OR4A47: variants seen among roughly 807,000 people sequenced by gnomAD.
OR4A47 encodes the protein olfactory receptor family 4 subfamily A member 47.
In OR4A47, 19 loss-of-function variants were observed where a neutral mutation model predicts 16.2. The observed-to-expected ratio is 1.17, with a 90% CI of 0.82 to 1.72. The LOEUF is 1.72. Among genes scored for constraint, OR4A47 ranks in the 40% most tolerant of loss-of-function variants. The pLI is 0.00. For synonymous variants in OR4A47, 180 were observed against 136.0 expected, an observed-to-expected ratio of 1.32 and a Z score of -2.25; for missense variants, 460 against 361.1, an observed-to-expected ratio of 1.27 and a Z score of -2.22.
rs1190544766 is a variant in OR4A47 at position 48,489,453 on chromosome 11, C to T, written c.661C>T (p.His221Tyr). The T allele has an allele frequency of 6.2e-7, 1 of 1,613,772 alleles. No individual in the cohort carries two copies. Among genetic ancestry groups the T allele is most frequent in the Non-Finnish European group, 8.5e-7 (1 of 1,179,820 alleles). Residue 221 changes from histidine to tyrosine, a missense_variant, in exon 1 of 1, where the codon CAC becomes TAC. Transcript: ENST00000446524. ...LLLISYGVIL[H>Y]SLKNLSQKGR... The stretch of plus-strand genomic sequence containing the variant: ...ACTCATCTCTTATGGTGTCATCTTG[C>T]ACTCTTTAAAGAACCTTAGTCAGAA...
chr11:48,489,339 T>C lies in OR4A47; in HGVS notation c.547T>C (p.Leu183=), dbSNP rs769627520. The C allele has an allele frequency of 9.3e-6, 15 of 1,613,914 alleles. No homozygotes were observed. Among genetic ancestry groups the C allele is most frequent in the Non-Finnish European group, 1.2e-5 (14 of 1,179,834 alleles). Residue 183 remains leucine (L), a synonymous_variant, in exon 1 of 1, where the codon TTG becomes CTG. Coordinates refer to ENST00000446524, the MANE Select transcript of OR4A47 (RefSeq NM_001005512.2). ...DHFFCDMYPL[L]KLVCTDTHAI... is the part of the protein sequence containing the mutation. ...TTTTTTCTGTGACATGTATCCCTTATTGAAACTGGTCTGCACTGACACCCA... is the reference window on the plus strand; with the variant it reads ...TTTTTTCTGTGACATGTATCCCTTACTGAAACTGGTCTGCACTGACACCCA...
At position 48,488,892 on chromosome 11, in the gene OR4A47, AT is replaced by A; in HGVS notation, c.104del (p.Leu35Ter). 6.2e-7 allele frequency: 1 copy of A among 1,612,964 alleles called. No homozygotes were observed. Among genetic ancestry groups the A allele is most frequent in the East Asian group, 2.2e-5 (1 of 44,808 alleles). Reference sequence around the variant, plus strand: ...TTTTGTTATGTTCTTGCTCTTCTACATTTTGACCATGGTGGGCAACCTGCTC... The same window carrying A: ...TTTTGTTATGTTCTTGCTCTTCTACATTTGACCATGGTGGGCAACCTGCTC... Reference protein sequence around the residue: ...VLFVMFLLFYILTMVGNLLIV... With the variant: ...VLFVMFLLFYXLTMVGNLLIV... On this transcript the variant is annotated frameshift_variant, in exon 1 of 1. Coordinates refer to ENST00000446524, the MANE Select transcript of OR4A47 (RefSeq NM_001005512.2). LOFTEE classifies it high-confidence loss of function.
At position 48,488,965 on chromosome 11, in the gene OR4A47, A is replaced by T. The variant is rs12805127; in HGVS notation, c.173A>T (p.Tyr58Phe). 4.3e-6 allele frequency: 7 copies of T among 1,613,702 alleles called. No homozygotes were observed. Among genetic ancestry groups the T allele is most frequent in the Non-Finnish European group, 5.9e-6 (7 of 1,179,856 alleles). ...AGTGAGACCCTGGGCTCACCAATGT[A>T]CTTCTTTCTTGCTGGCTTATCATTT... ...TVSETLGSPMYFFLAGLSFID... is the reference protein window; with the variant it reads ...TVSETLGSPMFFFLAGLSFID... Residue 58 changes from tyrosine (Y) to phenylalanine (F), a missense_variant, in exon 1 of 1, where the codon TAC (tyrosine) becomes TTC (phenylalanine). By Grantham distance (22) the Tyr-to-Phe change is conservative. Transcript: ENST00000446524.
At position 48,489,485 on chromosome 11, in the gene OR4A47, G is replaced by T. The variant is rs7479221; in HGVS notation, c.693G>T (p.Arg231Ser). 1 of 1,613,654 alleles carries T rather than the reference G, an allele frequency of 6.2e-7. No homozygotes were observed. The highest frequency in any genetic ancestry group is 8.5e-7 in the Non-Finnish European group (1 of 1,179,834). The change falls in exon 1 of 1, where the codon AGG becomes AGT. Residue 231 changes from arginine to serine, a missense_variant. By Grantham distance (110) the Arg-to-Ser change is moderately radical (BLOSUM62 -1). Transcript: ENST00000446524. ...HSLKNLSQKG[R>S]QKALSTCSSH... ...TAAAGAACCTTAGTCAGAAAGGGAG[G>T]CAAAAAGCCCTCTCAACCTGCAGTT...
chr11:48,489,603 G>C lies in OR4A47; in HGVS notation c.811G>C (p.Val271Leu), dbSNP rs1230448893. ...CTTCCCCATTGACAAATCAGTGAGT[G>C]TGTTTTATACAGTCATAACCCCAAT... ...RTFPIDKSVS[V>L]FYTVITPMLN... Residue 271 changes from valine to leucine, a missense_variant, in exon 1 of 1, where the codon GTG (valine) becomes CTG (leucine). Physicochemically the swap from Val to Leu is conservative, Grantham distance 32. Transcript: ENST00000446524. 26 of 1,613,494 alleles carry C rather than the reference G, an allele frequency of 1.6e-5. No homozygotes were observed. Among genetic ancestry groups the C allele is most frequent in the Middle Eastern group, 1.6e-4 (1 of 6,076 alleles).
Position 48,489,497 on chromosome 11 carries a change from C to T in OR4A47, c.705C>T (p.Leu235=). ...GTCAGAAAGGGAGGCAAAAAGCCCT[C>T]TCAACCTGCAGTTCCCACATGACTG... ...NLSQKGRQKA[L]STCSSHMTVV... is the part of the protein sequence containing the mutation. The change falls in exon 1 of 1, where the codon CTC becomes CTT. Residue 235 remains leucine (L), a synonymous_variant. Coordinates refer to ENST00000446524, the MANE Select transcript of OR4A47 (RefSeq NM_001005512.2). 1 of 1,613,898 alleles carries T rather than the reference C, an allele frequency of 6.2e-7. No homozygotes were observed. The highest frequency in any genetic ancestry group is 8.5e-7 in the Non-Finnish European group (1 of 1,179,844).
rs559279580 is a variant in OR4A47, at chr11:48,488,947, C to A, written c.155C>A (p.Thr52Asn). ...LIVVTVTVSE[T>N]LGSPMYFFLA... ...GTAGTGACCGTAACTGTCAGTGAGA[C>A]CCTGGGCTCACCAATGTACTTCTTT... The change falls in exon 1 of 1, where the codon ACC (threonine) becomes AAC (asparagine). Residue 52 changes from threonine to asparagine, a missense_variant. Thr to Asn is a moderately conservative substitution (Grantham distance 65). Transcript: ENST00000446524. The A allele has an allele frequency of 8.1e-6, 13 of 1,613,784 alleles. No homozygotes were observed. Among genetic ancestry groups the A allele is most frequent in the East Asian group, 2.2e-5 (1 of 44,864 alleles).
Position 48,489,353 on chromosome 11 carries a change from CA to C in OR4A47, c.562del (p.Thr188LeufsTer9). 6.2e-7 allele frequency: 1 copy of C among 1,613,826 alleles called. No individual in the cohort carries two copies. The highest frequency in any genetic ancestry group is 1.1e-5 in the South Asian group (1 of 91,060). On this transcript the variant is annotated frameshift_variant, in exon 1 of 1. Coordinates refer to ENST00000446524, the MANE Select transcript of OR4A47 (RefSeq NM_001005512.2). LOFTEE classifies it high-confidence loss of function. ...TGTATCCCTTATTGAAACTGGTCTG[CA>C]CTGACACCCATGCTATTGGCCTCTT... ...DMYPLLKLVC[T>X]DTHAIGLLVV...
chr11:48,489,206 G>T lies in OR4A47; in HGVS notation c.414G>T (p.Val138=), dbSNP rs542568505. 2.5e-6 allele frequency: 4 copies of T among 1,613,818 alleles called. No homozygotes were observed. The highest frequency in any genetic ancestry group is 1.7e-6 in the Non-Finnish European group (2 of 1,179,824). The change falls in exon 1 of 1, where the codon GTG becomes GTT. Residue 138 remains valine (V), a synonymous_variant. Transcript: ENST00000446524. ...LHYLVIMRQW[V]CVVLLVVSWV... is the part of the protein sequence containing the mutation. The stretch of plus-strand genomic sequence containing the variant: ...ATTTGGTTATCATGAGACAATGGGT[G>T]TGTGTTGTGCTGCTGGTAGTGTCCT...
chr11:48,489,554 T>C lies in OR4A47; in HGVS notation c.762T>C (p.Phe254=), dbSNP rs1431989594. 2 of 1,613,816 alleles carry C rather than the reference T, an allele frequency of 1.2e-6. No individual in the cohort carries two copies. Among genetic ancestry groups the C allele is most frequent in the East Asian group, 2.2e-5 (1 of 44,890 alleles). ...TCTTCTTCTTTGTTCCTTGTATTTT[T>C]ATGTATGCTAGACCTGCTAGGACCT... is the stretch of plus-strand genomic sequence containing the variant. ...VVVFFFVPCI[F]MYARPARTFP... is the part of the protein sequence containing the mutation. Residue 254 remains phenylalanine (F), a synonymous_variant, in exon 1 of 1, where the codon TTT becomes TTC. Transcript: ENST00000446524.
rs1852667747 is a variant in OR4A47 at position 48,488,979 on chromosome 11, G to A, written c.187G>A (p.Gly63Ser). 1 of 1,613,708 alleles carries A rather than the reference G, an allele frequency of 6.2e-7. No individual in the cohort carries two copies. The highest frequency in any genetic ancestry group is 1.3e-5 in the African/African-American group (1 of 74,888). Reference protein sequence around the residue: ...LGSPMYFFLAGLSFIDIIYSS... With the variant: ...LGSPMYFFLASLSFIDIIYSS... ...CTCACCAATGTACTTCTTTCTTGCT[G>A]GCTTATCATTTATAGATATCATTTA... Residue 63 changes from glycine (G) to serine (S), a missense_variant, in exon 1 of 1, where the codon GGC becomes AGC. Gly to Ser is a moderately conservative substitution (Grantham distance 56). Coordinates refer to ENST00000446524, the MANE Select transcript of OR4A47 (RefSeq NM_001005512.2).
In OR4A47 at chr11:48,489,251, C is replaced by A. The variant is rs759457108; in HGVS notation, c.459C>A (p.His153Gln). 8.1e-6 allele frequency: 13 copies of A among 1,613,626 alleles called. No homozygotes were observed. Among genetic ancestry groups the A allele is most frequent in the African/African-American group, 4.0e-5 (3 of 74,884 alleles). Reference protein sequence around the residue: ...LVVSWVGGFLHSVFQLSIIYG... With the variant: ...LVVSWVGGFLQSVFQLSIIYG... ...TGTCCTGGGTTGGAGGATTTCTGCA[C>A]TCAGTATTTCAACTTAGCATTATTT... Residue 153 changes from histidine to glutamine, a missense_variant, in exon 1 of 1, where the codon CAC (histidine) becomes CAA (glutamine). Coordinates refer to ENST00000446524, the MANE Select transcript of OR4A47 (RefSeq NM_001005512.2).
rs754324365 is a variant in OR4A47 at position 48,488,799 on chromosome 11, C to A, written c.7C>A (p.Pro3Thr). ME[P>T]RKNVTDFVLL... ...AAGCAGCTGTAAAGAATACATGGAG[C>A]CAAGGAAAAATGTGACTGACTTTGT... Residue 3 changes from proline to threonine, a missense_variant, in exon 1 of 1, where the codon CCA becomes ACA. Transcript: ENST00000446524. 6.2e-7 allele frequency: 1 copy of A among 1,607,736 alleles called. No individual in the cohort carries two copies. Among genetic ancestry groups the A allele is most frequent in the East Asian group, 2.2e-5 (1 of 44,764 alleles).
At position 48,489,010 on chromosome 11, in the gene OR4A47, C is replaced by T; in HGVS notation, c.218C>T (p.Ser73Leu). The T allele has an allele frequency of 6.2e-7, 1 of 1,613,774 alleles. No homozygotes were observed. The highest frequency in any genetic ancestry group is 8.5e-7 in the Non-Finnish European group (1 of 1,179,748). Residue 73 changes from serine to leucine, a missense_variant, in exon 1 of 1, where the codon TCA (serine) becomes TTA (leucine). Transcript: ENST00000446524. ...TCATTTATAGATATCATTTATTCTTCATCCATTTCCCCCAGATTGATTTCA... is the reference window on the plus strand; with the variant it reads ...TCATTTATAGATATCATTTATTCTTTATCCATTTCCCCCAGATTGATTTCA... ...GLSFIDIIYS[S>L]SISPRLISGL...
Position 48,489,251 on chromosome 11 carries a change from C to T in OR4A47, c.459C>T (p.His153=), listed in dbSNP as rs759457108. ...LVVSWVGGFL[H]SVFQLSIIYG... Reference sequence around the variant, plus strand: ...TGTCCTGGGTTGGAGGATTTCTGCACTCAGTATTTCAACTTAGCATTATTT... The same window carrying T: ...TGTCCTGGGTTGGAGGATTTCTGCATTCAGTATTTCAACTTAGCATTATTT... The change falls in exon 1 of 1, where the codon CAC becomes CAT. Residue 153 remains histidine, a synonymous_variant. Coordinates refer to ENST00000446524, the MANE Select transcript of OR4A47 (RefSeq NM_001005512.2). The T allele has an allele frequency of 2.5e-6, 4 of 1,613,628 alleles. No homozygotes were observed. Among genetic ancestry groups the T allele is most frequent in the African/African-American group, 2.7e-5 (2 of 74,884 alleles).
At position 48,488,912 on chromosome 11, in the gene OR4A47, C is replaced by T; in HGVS notation, c.120C>T (p.Asn40=). ...TCTACATTTTGACCATGGTGGGCAA[C>T]CTGCTCATTGTAGTGACCGTAACTG... The part of the protein sequence containing the change: ...LLFYILTMVG[N]LLIVVTVTVS... Residue 40 remains asparagine, a synonymous_variant, in exon 1 of 1, where the codon AAC becomes AAT. Coordinates refer to ENST00000446524, the MANE Select transcript of OR4A47 (RefSeq NM_001005512.2). 1 of 1,613,448 alleles carries T rather than the reference C, an allele frequency of 6.2e-7. No individual in the cohort carries two copies. Among genetic ancestry groups the T allele is most frequent in the Non-Finnish European group, 8.5e-7 (1 of 1,179,574 alleles).
chr11:48,489,720 T>C lies in OR4A47; in HGVS notation c.928T>C (p.Ter310GlnextTer?), dbSNP rs138138789. The part of the protein sequence containing the change: ...WRRDLISSST[*>Q] Reference sequence around the variant, plus strand: ...AAGAGACCTCATATCAAGTAGTACATAAGTGAGTTACCCACCAGGAAGAGA... The same window carrying C: ...AAGAGACCTCATATCAAGTAGTACACAAGTGAGTTACCCACCAGGAAGAGA... Residue 310 changes from the stop codon to glutamine, a stop_lost, in exon 1 of 1, where the codon TAA (stop) becomes CAA (glutamine). Transcript: ENST00000446524. 40 of 1,588,538 alleles carry C rather than the reference T, an allele frequency of 2.5e-5. No homozygotes were observed. Among genetic ancestry groups the C allele is most frequent in the Non-Finnish European group, 3.3e-5 (38 of 1,168,790 alleles).
Position 48,488,915 on chromosome 11 carries a change from G to C in OR4A47, c.123G>C (p.Leu41=), listed in dbSNP as rs769675489. ...ACATTTTGACCATGGTGGGCAACCT[G>C]CTCATTGTAGTGACCGTAACTGTCA... ...LFYILTMVGN[L]LIVVTVTVSE... is the part of the protein sequence containing the mutation. The change falls in exon 1 of 1, where the codon CTG becomes CTC. Residue 41 remains leucine (L), a synonymous_variant. Coordinates refer to ENST00000446524, the MANE Select transcript of OR4A47 (RefSeq NM_001005512.2). 7 of 1,613,374 alleles carry C rather than the reference G, an allele frequency of 4.3e-6. No homozygotes were observed. Among genetic ancestry groups the C allele is most frequent in the Non-Finnish European group, 5.9e-6 (7 of 1,179,634 alleles).
At position 48,489,190 on chromosome 11, in the gene OR4A47, T is replaced by C. The variant is rs1852673206; in HGVS notation, c.398T>C (p.Ile133Thr). The change falls in exon 1 of 1, where the codon ATC becomes ACC. Residue 133 changes from isoleucine (I) to threonine (T), a missense_variant. Ile to Thr is a moderately conservative substitution (Grantham distance 89). Coordinates refer to ENST00000446524, the MANE Select transcript of OR4A47 (RefSeq NM_001005512.2). ...TGTAAGCCCTTGCATTATTTGGTTA[T>C]CATGAGACAATGGGTGTGTGTTGTG... ...AICKPLHYLVIMRQWVCVVLL... is the reference protein window; with the variant it reads ...AICKPLHYLVTMRQWVCVVLL... The C allele has an allele frequency of 1.9e-6, 3 of 1,613,856 alleles. No individual in the cohort carries two copies. Among genetic ancestry groups the C allele is most frequent in the Middle Eastern group, 1.7e-4 (1 of 6,058 alleles).
Sources: allele counts gnomAD v4.1 joint callset, GRCh38; gene constraint gnomAD v4.1.1; transcripts MANE v1.5; gene names NCBI Gene and HGNC (gene_info 2026-07-23, HGNC 2026-07-21).